Variants in GNPAT observed in about 807,000 individuals in gnomAD.
The protein encoded by GNPAT is dihydroxyacetone phosphate acyltransferase.
GNPAT carries 30 observed loss-of-function variants against 78.4 expected under a neutral mutation model. That is an observed-to-expected ratio of 0.38 (90% CI 0.29 to 0.52). The LOEUF is 0.52. Among genes scored for constraint, GNPAT ranks in the 20% least tolerant of loss-of-function variants. GNPAT has a pLI of 0.84. For missense variants in GNPAT, 714 were observed against 812.2 expected (o/e 0.88, Z 1.47); for synonymous variants, 271 against 281.1 (o/e 0.96, Z 0.36).
chr1:231,250,891 C>T (rs1684877136), intron 1 of GNPAT, 70 bp from the exon 2 acceptor site: 1 of 975,408 alleles, frequency 1.0e-6, no homozygotes, highest in Non-Finnish European at 1.7e-6. Flanking sequence ...GAAACCTTAC[C>T]AATGTAGTCT....
chr1:231,254,989 G>A (rs1050325376), intron 2 of GNPAT, among the ~76,000 whole-genome samples: 6 of 151,928 alleles, frequency 3.9e-5, no homozygotes, highest in African/African-American at 1.5e-4. Flanking sequence ...CTGACCTCAG[G>A]TAATCCGCCC....
At position 231,277,629 on chromosome 1, in the gene GNPAT, GAC is replaced by G; in HGVS notation, c.*91_*92del. On this transcript the variant is annotated 3_prime_UTR_variant, in exon 16 of 16. Coordinates refer to ENST00000366647, the MANE Select transcript of GNPAT (RefSeq NM_014236.4). ...CAACAAACAGGGAAGTAAAGGAAGA[GAC>G]ACATCCTCTCATACTCCCTGAGACT... 5 of 822,660 alleles carry G rather than the reference GAC, an allele frequency of 6.1e-6. No homozygotes were observed. The highest frequency in any genetic ancestry group is 8.7e-6 in the Non-Finnish European group (4 of 459,570). 51.0% of individuals were successfully genotyped at this position (822,660 alleles called of 1,614,324 possible).
intron 2 of GNPAT, among the ~76,000 whole-genome samples, chr1:231,257,710 G>T (rs143052713): frequency 6.6e-6 from 1 of 152,042 alleles, no homozygotes; most frequent in African/African-American, 2.4e-5. Context: ...CTATAGCTTG[G>T]TGGTATCCAG....
chr1:231,266,694 A>T (rs1294224242), intron 8 of GNPAT, among the ~76,000 whole-genome samples: 2 of 152,268 alleles, frequency 1.3e-5, no homozygotes, highest in African/African-American at 2.4e-5. Context: ...TAATGCCATT[A>T]TTAACAAGTA....
At chr1:231,254,846 G>A (rs1435396941) in intron 2 of GNPAT, among the ~76,000 whole-genome samples, 1 of 151,626 alleles carries the variant, frequency 6.6e-6, no homozygotes, top group Non-Finnish European at 1.5e-5. Context: ...CCGCCTCCCA[G>A]GTTCAAGTGA....
chr1:231,241,293 T>C lies in GNPAT; in HGVS notation c.-86T>C. On this transcript the variant is annotated 5_prime_UTR_variant, in exon 1 of 16. Transcript: ENST00000366647. Reference sequence around the variant, plus strand: ...CGCCGCCCTAGGCGAAGTAGGGCCGTCCTGAGCGAAAGAACCGCCCCCAGC... The same window carrying C: ...CGCCGCCCTAGGCGAAGTAGGGCCGCCCTGAGCGAAAGAACCGCCCCCAGC... 7.1e-7 allele frequency: 1 copy of C among 1,415,904 alleles called. No individual in the cohort carries two copies. Among genetic ancestry groups the C allele is most frequent in the South Asian group, 1.1e-5 (1 of 87,128 alleles). 87.7% of individuals were successfully genotyped at this position (1,415,904 alleles called of 1,614,324 possible).
At chr1:231,269,167 A>G (rs1357869984) in intron 9 of GNPAT, among the ~76,000 whole-genome samples, 1 of 151,704 alleles carries the variant, frequency 6.6e-6, no homozygotes, top group South Asian at 2.1e-4. Flanking sequence ...AAGGAGCAAC[A>G]TGCATGCTGC....
intron 1 of GNPAT, among the ~76,000 whole-genome samples, chr1:231,241,921 T>G (rs1003010008): frequency 1.3e-5 from 2 of 152,242 alleles, no homozygotes; most frequent in African/African-American, 4.8e-5. Context: ...GGCTTGTATG[T>G]GGGAATAGAG....
In GNPAT at chr1:231,241,335, C is replaced by T. The variant is rs518686; in HGVS notation, c.-44C>T. 0.55 allele frequency: 847,811 copies of T among 1,533,732 alleles called. 236,756 individuals are homozygous for T. Among genetic ancestry groups the T allele is most frequent in the South Asian group, 0.62 (55,548 of 89,502 alleles). On this transcript the variant is annotated 5_prime_UTR_variant, in exon 1 of 16. Transcript: ENST00000366647. The stretch of plus-strand genomic sequence containing the variant: ...GCCCCCAGCAGGAGCACCACCACGG[C>T]TTAGCAAAGAATCCCAGACCCCGCC...
intron 12 of GNPAT, 111 bp downstream of exon 12, chr1:231,274,173 T>C (rs1685647094): frequency 1.1e-6 from 1 of 937,638 alleles, no homozygotes; most frequent in South Asian, 1.3e-5. Flanking sequence ...CCCAGGCAAA[T>C]GGAAGAAGGA....
intron 1 of GNPAT, among the ~76,000 whole-genome samples, chr1:231,242,057 C>T (rs1684627095): frequency 6.6e-6 from 1 of 152,318 alleles, no homozygotes; most frequent in South Asian, 2.1e-4. Context: ...CAGCTTCTCT[C>T]CCGCTTGTCT....
At chr1:231,252,545 G>A (rs1684926692) in intron 2 of GNPAT, among the ~76,000 whole-genome samples, 1 of 152,170 alleles carries the variant, frequency 6.6e-6, no homozygotes, top group South Asian at 2.1e-4. Context: ...CTGGGGCTTG[G>A]TCCCGCCCAG....
chr1:231,269,319 C>T (rs1685483805), intron 9 of GNPAT, among the ~76,000 whole-genome samples: 1 of 152,084 alleles, frequency 6.6e-6, no homozygotes, highest in Non-Finnish European at 1.5e-5. Context: ...AGGCTTGGGC[C>T]CCAGAGATTC....
At position 231,260,654 on chromosome 1, in the gene GNPAT, G is replaced by A; in HGVS notation, c.409G>A (p.Val137Met). ...AGTATTTAAACAAATTTTCTCGAAG[G>A]TGTGTGTAAATGAAGAAGGTATTCA... The part of the protein sequence containing the change: ...SKVFKQIFSK[V>M]CVNEEGIQKL... The change falls in exon 3 of 16, where the codon GTG becomes ATG. Residue 137 changes from valine to methionine, a missense_variant. Physicochemically the swap from Val to Met is conservative, Grantham distance 21. Transcript: ENST00000366647. The A allele has an allele frequency of 1.9e-6, 3 of 1,611,900 alleles. No homozygotes were observed. The highest frequency in any genetic ancestry group is 2.2e-5 in the East Asian group (1 of 44,844).
At chr1:231,270,463 A>G (rs573295661) in intron 9 of GNPAT, among the ~76,000 whole-genome samples, 156 of 152,348 alleles carry the variant, frequency 1.0e-3, no homozygotes, top group Non-Finnish European at 1.7e-3. Context: ...TGAAGTACAC[A>G]GAAGTGGTGT....
At chr1:231,256,775 T>C (rs908017183) in intron 2 of GNPAT, among the ~76,000 whole-genome samples, 1 of 152,188 alleles carries the variant, frequency 6.6e-6, no homozygotes, top group Non-Finnish European at 1.5e-5. Context: ...CGTGAGCCAC[T>C]GCGCCCGGCC....
chr1:231,253,697 C>T (rs1571937446), intron 2 of GNPAT, among the ~76,000 whole-genome samples: 1 of 152,288 alleles, frequency 6.6e-6, no homozygotes, highest in East Asian at 1.9e-4. Flanking sequence ...GTTAGTTCTT[C>T]CTTATAGAAG....
intron 15 of GNPAT, 134 bp from the exon 16 acceptor site, chr1:231,277,365 A>G (rs1033398146): frequency 1.0e-5 from 7 of 697,324 alleles, no homozygotes; most frequent in Non-Finnish European, 1.8e-5. Context: ...TGGCGTCCCC[A>G]TGGGTACTGG....
In GNPAT at chr1:231,265,210, A is replaced by G. The variant is rs1685341036; in HGVS notation, c.569-83A>G. 5 of 1,026,424 alleles carry G rather than the reference A, an allele frequency of 4.9e-6. No individual in the cohort carries two copies. In the Admixed American group the frequency reaches 9.0e-5, roughly 18 times the overall value. The allele number at this position is 1,026,424 out of a possible 1,614,324, so 63.6% of individuals were successfully genotyped here. ...CTCATAAAATAAAATAATAAAATAT[A>G]AATGAAAAATAAGCATGTTTAAGTT... is the stretch of plus-strand genomic sequence containing the variant. On this transcript the variant is annotated intron_variant, in intron 4 of 15. Transcript: ENST00000366647.
Sources: gnomAD v4.1 joint callset for allele counts (sites outside exome capture counted in the v4.1 genomes callset) on GRCh38, gnomAD v4.1.1 for gene constraint, MANE v1.5 for transcripts, NCBI Gene and HGNC (gene_info 2026-07-23, HGNC 2026-07-21) for gene names.